The following DNAAF9 variants were observed in gnomAD, a reference collection of about 807,000 sequenced individuals.
DNAAF9 encodes the protein shulin.
DNAAF9 carries 90 observed loss-of-function variants against 167.0 expected under a neutral mutation model. That is an observed-to-expected ratio of 0.54 (90% CI 0.45 to 0.64). The LOEUF is 0.64. Among genes scored for constraint, DNAAF9 ranks in the 30% least tolerant of loss-of-function variants. The probability of loss-of-function intolerance (pLI) is 0.00; values close to 1 mark genes in which losing one functional copy is unlikely to be tolerated. For synonymous variants in DNAAF9, 491 were observed against 508.8 expected, an observed-to-expected ratio of 0.96 and a Z score of 0.47; for missense variants, 1,315 against 1,442.2, an observed-to-expected ratio of 0.91 and a Z score of 1.43.
At chr20:3,335,523 G>A (rs1600807566) in intron 10 of DNAAF9, among the ~76,000 whole-genome samples, 1 of 152,046 alleles carries the variant, frequency 6.6e-6, no homozygotes, top group Admixed American at 6.6e-5. Context: ...TTGGGAGGTC[G>A]AGGCGGGTGG....
rs755727508 is a variant in DNAAF9, at chr20:3,290,144, T to A, written c.2312A>T (p.His771Leu). 1 of 1,610,490 alleles carries A rather than the reference T, an allele frequency of 6.2e-7. No individual in the cohort carries two copies. The highest frequency in any genetic ancestry group is 2.2e-5 in the East Asian group (1 of 44,872). ...CCATACTAACCTGCCACATTCCTTA[T>A]GCAGAGTGACCAGAAAAGCACAGAG... ...SELCAFLVTLHKECGRWMVYR... is the reference protein window; with the variant it reads ...SELCAFLVTLLKECGRWMVYR... The change falls in exon 26 of 37, where the codon CAT becomes CTT. Residue 771 changes from histidine (H) to leucine (L), a missense_variant. By Grantham distance (99) the His-to-Leu change is moderately conservative. This residue lies in a region of DNAAF9 where 981 missense variants were observed against 1,012.5 expected (regional missense o/e 0.97). Coordinates refer to ENST00000252032, the MANE Select transcript of DNAAF9 (RefSeq NM_001009984.3).
chr20:3,286,125 T>C (rs985584130), intron 27 of DNAAF9, among the ~76,000 whole-genome samples: 15 of 152,150 alleles, frequency 9.9e-5, no homozygotes, highest in Non-Finnish European at 2.1e-4. Flanking sequence ...GGACATGCTA[T>C]AAAGGAGGGT....
intron 20 of DNAAF9, chr20:3,307,192 A>C (rs1277560888): frequency 1.0e-6 from 1 of 979,258 alleles, no homozygotes; most frequent in Non-Finnish European, 1.2e-6. Flanking sequence ...CTGAAGCCTC[A>C]AAACAAAATG....
In DNAAF9 at chr20:3,348,516, C is replaced by T. The variant is rs768654547; in HGVS notation, c.789+9G>A. 2.3e-5 allele frequency: 35 copies of T among 1,505,830 alleles called. No homozygotes were observed. Among genetic ancestry groups the T allele is most frequent in the East Asian group, 4.5e-5 (2 of 44,200 alleles). The allele number at this position is 1,505,830 out of a possible 1,614,324, so 93.3% of individuals were successfully genotyped here. The stretch of plus-strand genomic sequence containing the variant: ...TTTATTCTTCCTCTTTGACCCTTCC[C>T]TTACATACCTCACCCGCCTGAGATT... On this transcript the variant is annotated intron_variant, in intron 8 of 36. Transcript: ENST00000252032.
At chr20:3,309,231 T>C (rs939043383) in intron 20 of DNAAF9, among the ~76,000 whole-genome samples, 6 of 152,134 alleles carry the variant, frequency 3.9e-5, no homozygotes, top group Admixed American at 6.5e-5. Context: ...AAGATCACTT[T>C]GGAGAGAATT....
chr20:3,358,594 T>A (rs960702250), intron 7 of DNAAF9, among the ~76,000 whole-genome samples: 2 of 152,202 alleles, frequency 1.3e-5, no homozygotes, highest in Admixed American at 6.6e-5. Flanking sequence ...TCTGCCCTTT[T>A]GAATACGTAG....
chr20:3,315,086 C>G lies in DNAAF9; in HGVS notation c.1625G>C (p.Gly542Ala). The change falls in exon 20 of 37, where the codon GGA becomes GCA. Residue 542 changes from glycine (G) to alanine (A), a missense_variant. Gly to Ala is a moderately conservative substitution (Grantham distance 60). Coordinates refer to ENST00000252032, the MANE Select transcript of DNAAF9 (RefSeq NM_001009984.3). The surrounding 1 kb of genome is among the most constrained non-coding windows in gnomAD (Gnocchi z 4.1). ...GGAATAAAGATATGCTCCTTCTCCT[C>G]CTGTTAGATAAGTGCCCAGGAAAGA... ...DESFLGTYLT[G>A]GEGAYLYSSN... 1 of 1,611,618 alleles carries G rather than the reference C, an allele frequency of 6.2e-7. No homozygotes were observed. The highest frequency in any genetic ancestry group is 8.5e-7 in the Non-Finnish European group (1 of 1,177,714).
chr20:3,314,626 C>T (rs1002913921), intron 20 of DNAAF9, among the ~76,000 whole-genome samples: 5 of 152,174 alleles, frequency 3.3e-5, no homozygotes, highest in African/African-American at 1.2e-4. Flanking sequence ...CTGGGTCCAG[C>T]CAAGCCTGCC....
At chr20:3,301,240 T>C (rs1600737742) in intron 21 of DNAAF9, among the ~76,000 whole-genome samples, 1 of 149,428 alleles carries the variant, frequency 6.7e-6, no homozygotes, top group Admixed American at 6.9e-5. Flanking sequence ...TAGGCTGGAG[T>C]GCAATGGCGC....
intron 1 of DNAAF9, among the ~76,000 whole-genome samples, chr20:3,392,072 G>A (rs574508067): frequency 1.3e-5 from 2 of 152,294 alleles, no homozygotes; most frequent in African/African-American, 2.4e-5. Flanking sequence ...TACTTAGGAG[G>A]TTGAGGTGGG....
intron 1 of DNAAF9, among the ~76,000 whole-genome samples, chr20:3,393,650 G>A (rs2083859871): frequency 6.6e-6 from 1 of 152,194 alleles, no homozygotes; most frequent in African/African-American, 2.4e-5. Flanking sequence ...CAATGCTACG[G>A]TGAGCAACCT....
intron 7 of DNAAF9, 120 bp from the exon 8 acceptor site, chr20:3,348,743 C>A (rs2123137871): frequency 1.8e-6 from 1 of 559,774 alleles, no homozygotes; most frequent in Non-Finnish European, 3.1e-6. Context: ...TGTTATTTTA[C>A]AAGGTAGTAG....
intron 8 of DNAAF9, among the ~76,000 whole-genome samples, chr20:3,346,398 A>C (rs774991256): frequency 2.0e-5 from 3 of 152,224 alleles, no homozygotes; most frequent in Non-Finnish European, 4.4e-5. Flanking sequence ...TATTAGAAAC[A>C]ACCTCATTAT....
intron 21 of DNAAF9, among the ~76,000 whole-genome samples, chr20:3,303,232 ACT>A (rs989146660): frequency 1.2e-4 from 18 of 148,192 alleles, no homozygotes; most frequent in Middle Eastern, 3.5e-3. Flanking sequence ...ACAGAGCGAG[ACT>A]CTGTCTCAAA....
At chr20:3,283,353 A>G (rs2068794045) in intron 27 of DNAAF9, among the ~76,000 whole-genome samples, 1 of 152,138 alleles carries the variant, frequency 6.6e-6, no homozygotes, top group African/African-American at 2.4e-5. Context: ...TTATCCCCAG[A>G]CTGCAATACT....
At chr20:3,262,547 C>T (rs990405243) in intron 31 of DNAAF9, among the ~76,000 whole-genome samples, 3 of 152,166 alleles carry the variant, frequency 2.0e-5, no homozygotes, top group African/African-American at 7.2e-5. Flanking sequence ...CCACATCCGG[C>T]CAGATTCACA....
chr20:3,337,440 G>GTTTTTTTTTTTTTT (rs55881467), intron 10 of DNAAF9, among the ~76,000 whole-genome samples: 1 of 134,402 alleles, frequency 7.4e-6, no homozygotes, highest in Non-Finnish European at 1.6e-5. Flanking sequence ...CTTTTTTTTT[G>GTTTTTTTTTTTTTT]TTTTTTTTTT....
At chr20:3,257,367 C>T (rs552116116) in intron 33 of DNAAF9, among the ~76,000 whole-genome samples, 180 of 151,746 alleles carry the variant, frequency 1.2e-3, no homozygotes, top group South Asian at 2.3e-3. Context: ...AAAAAATCAG[C>T]CAGGCATGGT....
intron 27 of DNAAF9, among the ~76,000 whole-genome samples, chr20:3,285,680 T>TAAAAA (rs2068838867): frequency 1.2e-5 from 1 of 86,900 alleles, no homozygotes; most frequent in Non-Finnish European, 2.4e-5. Flanking sequence ...CTCTGTCTCA[T>TAAAAA]TAAAAAAAAA....
Sources: gnomAD v4.1 joint callset for allele counts (sites outside exome capture counted in the v4.1 genomes callset) on GRCh38, gnomAD v4.1.1 for gene constraint, gnomAD v4.1.1 regional missense constraint, Gnocchi (gnomAD v3.1) non-coding constraint, MANE v1.5 for transcripts, NCBI Gene and HGNC (gene_info 2026-07-23, HGNC 2026-07-21) for gene names.